Variants in RGS5 observed in about 807,000 individuals in gnomAD.
RGS5 encodes the protein regulator of G-protein signalling 5.
In RGS5, 20 loss-of-function variants were observed where a neutral mutation model predicts 18.9. The observed-to-expected ratio is 1.06, with a 90% CI of 0.74 to 1.54. The LOEUF (loss-of-function observed/expected upper bound fraction) is 1.54. Ranked by LOEUF, RGS5 falls within the 40% of genes most tolerant of loss-of-function variation. The pLI, the probability that RGS5 is intolerant of heterozygous loss-of-function variation, is 0.00. For synonymous variants in RGS5, 57 were observed against 76.2 expected, an observed-to-expected ratio of 0.75 and a Z score of 1.31; for missense variants, 201 against 211.8, an observed-to-expected ratio of 0.95 and a Z score of 0.32.
At chr1:163,212,850 A>C (rs1052274611) in intron 1 of RGS5, 1 of 152,158 alleles carries the variant, frequency 6.6e-6, no homozygotes, top group African/African-American at 2.4e-5. Context: ...CTATTCATCA[A>C]CTATTAATCT....
intron 1 of RGS5, among the ~76,000 whole-genome samples, chr1:163,170,420 A>G (rs1225627496): frequency 6.6e-6 from 1 of 152,202 alleles, no homozygotes. Flanking sequence ...AATGCTAATC[A>G]TAACCAAAGT....
intron 2 of RGS5, among the ~76,000 whole-genome samples, chr1:163,287,365 C>T (rs1014055524): frequency 4.6e-5 from 7 of 152,218 alleles, no homozygotes; most frequent in Non-Finnish European, 8.8e-5. Context: ...CACCTATTCC[C>T]CCACCCCTAC....
chr1:163,312,215 T>C (rs755968004), intron 1 of RGS5, among the ~76,000 whole-genome samples: 24 of 152,298 alleles, frequency 1.6e-4, no homozygotes, highest in Admixed American at 7.2e-4. Flanking sequence ...CCTGCTGCCA[T>C]GTAAGACATG....
intron 2 of RGS5, among the ~76,000 whole-genome samples, chr1:163,294,497 C>A (rs1649375157): frequency 6.6e-6 from 1 of 152,218 alleles, no homozygotes; most frequent in African/African-American, 2.4e-5. Flanking sequence ...AACAGCAGGC[C>A]TCTGGGCCTG....
chr1:163,147,918 CTTT>C (rs534448527), intron 4 of RGS5, among the ~76,000 whole-genome samples: 5 of 78,092 alleles, frequency 6.4e-5, no homozygotes, highest in Non-Finnish European at 8.9e-5. Context: ...TTTTCTTTTT[CTTT>C]TTTTTTTTTT....
At chr1:163,256,140 G>A (rs543240351) in intron 2 of RGS5, among the ~76,000 whole-genome samples, 1 of 152,100 alleles carries the variant, frequency 6.6e-6, no homozygotes, top group Non-Finnish European at 1.5e-5. Flanking sequence ...GAAATAAAGG[G>A]TATTCAATTA....
In RGS5 at chr1:163,147,398, T is replaced by C. The variant is rs748302072; in HGVS notation, c.490A>G (p.Lys164Glu). ...AQKRIHALME[K>E]DSLPRFVRSE... Reference sequence around the variant, plus strand: ...CGCACAAAGCGAGGCAGAGAATCCTTTTCCATCAGGGCATGGATTCTTTTC... The same window carrying C: ...CGCACAAAGCGAGGCAGAGAATCCTCTTCCATCAGGGCATGGATTCTTTTC... Residue 164 changes from lysine to glutamate, a missense_variant, in exon 5 of 5, where the codon AAG (lysine) becomes GAG (glutamate). Physicochemically the swap from Lys to Glu is moderately conservative, Grantham distance 56. Coordinates refer to ENST00000313961, the MANE Select transcript of RGS5 (RefSeq NM_003617.4). 6 of 1,612,708 alleles carry C rather than the reference T, an allele frequency of 3.7e-6. No homozygotes were observed. The African/African-American group carries it at 5.3e-5, about 14-fold the overall frequency.
intron 3 of RGS5, among the ~76,000 whole-genome samples, chr1:163,157,276 C>A (rs1657622646): frequency 6.6e-6 from 1 of 152,134 alleles, no homozygotes; most frequent in South Asian, 2.1e-4. Flanking sequence ...CATGTGAATT[C>A]TATTTTTGTG....
intron 2 of RGS5, among the ~76,000 whole-genome samples, chr1:163,300,159 A>G (rs1252737991): frequency 1.3e-5 from 2 of 152,236 alleles, no homozygotes; most frequent in African/African-American, 4.8e-5. Context: ...TCACTCCTGA[A>G]GTGTGAATGA....
intron 1 of RGS5, among the ~76,000 whole-genome samples, chr1:163,317,152 G>A (rs753411167): frequency 4.6e-5 from 7 of 152,116 alleles, no homozygotes; most frequent in Non-Finnish European, 1.0e-4. Context: ...AGCTAGACAT[G>A]TTTAAAACTG....
chr1:163,143,184 T>G lies in RGS5; in HGVS notation c.*4158A>C, dbSNP rs145900766. On this transcript the variant is annotated 3_prime_UTR_variant, in exon 5 of 5. Coordinates refer to ENST00000313961, the MANE Select transcript of RGS5 (RefSeq NM_003617.4). ...TGTGTTTAACACAAACAGTAGCTGC[T>G]AAATTGTTAACTAAAGAGCCTTGTG... The G allele has an allele frequency of 1.3e-5, 2 of 152,348 alleles. No homozygotes were observed. The highest frequency in any genetic ancestry group is 3.9e-4 in the East Asian group (2 of 5,184). The allele number at this position is 152,348 out of a possible 1,614,324, so 9.4% of individuals were successfully genotyped here.
chr1:163,215,172 T>C (rs1017304705), intron 1 of RGS5, among the ~76,000 whole-genome samples: 1 of 152,218 alleles, frequency 6.6e-6, no homozygotes, highest in Non-Finnish European at 1.5e-5. Context: ...TGGTTTATAT[T>C]TATCTATGTC....
At chr1:163,171,355 T>A (rs896569491) in intron 1 of RGS5, among the ~76,000 whole-genome samples, 1 of 152,164 alleles carries the variant, frequency 6.6e-6, no homozygotes, top group African/African-American at 2.4e-5. Context: ...CGTGAAAACC[T>A]TCATCCATAA....
At chr1:163,190,888 CTT>C (rs1236399079) in intron 1 of RGS5, among the ~76,000 whole-genome samples, 7 of 152,146 alleles carry the variant, frequency 4.6e-5, no homozygotes, top group Non-Finnish European at 8.8e-5. Context: ...TGGGGCACAG[CTT>C]TATGGAAATG....
chr1:163,317,241 C>T (rs1338164200), intron 1 of RGS5, among the ~76,000 whole-genome samples: 1 of 152,246 alleles, frequency 6.6e-6, no homozygotes, highest in East Asian at 1.9e-4. Flanking sequence ...TCTGGGTACT[C>T]AAGCCAGAAA....
intron 1 of RGS5, among the ~76,000 whole-genome samples, chr1:163,215,172 TTATC>T (rs1447993672): frequency 6.6e-6 from 1 of 152,218 alleles, no homozygotes; most frequent in East Asian, 1.9e-4. Flanking sequence ...TGGTTTATAT[TTATC>T]TATGTCATTC....
chr1:163,306,677 T>C (rs1378825265), intron 1 of RGS5, among the ~76,000 whole-genome samples: 1 of 152,152 alleles, frequency 6.6e-6, no homozygotes, highest in East Asian at 1.9e-4. Flanking sequence ...CTGAGGTCAT[T>C]AGGTTGGGTC....
At chr1:163,258,923 C>T (rs545977985) in intron 2 of RGS5, among the ~76,000 whole-genome samples, 11 of 152,158 alleles carry the variant, frequency 7.2e-5, no homozygotes, top group African/African-American at 2.7e-4. Flanking sequence ...GTGATCCTCC[C>T]ATGTCGGCTT....
At chr1:163,312,334 G>A (rs1179870250) in intron 1 of RGS5, among the ~76,000 whole-genome samples, 2 of 152,210 alleles carry the variant, frequency 1.3e-5, no homozygotes. Flanking sequence ...GTCTTGGGCA[G>A]TTCTTTATAG....
Sources: gnomAD v4.1 joint callset for allele counts (sites outside exome capture counted in the v4.1 genomes callset) on GRCh38, gnomAD v4.1.1 for gene constraint, MANE v1.5 for transcripts, NCBI Gene and HGNC (gene_info 2026-07-23, HGNC 2026-07-21) for gene names.